NEFH: variants seen among roughly 807,000 people sequenced by gnomAD.
NEFH encodes the protein neurofilament heavy chain, also known as neurofilament heavy polypeptide.
In NEFH, 58 loss-of-function variants were observed where a neutral mutation model predicts 56.6. The observed-to-expected ratio is 1.03, with a 90% confidence interval of 0.83 to 1.28. NEFH has a LOEUF of 1.28. NEFH is among the 50% of genes most tolerant of loss of function. The pLI is 0.00. For synonymous variants in NEFH, 542 were observed against 545.8 expected, an observed-to-expected ratio of 0.99 and a Z score of 0.10; for missense variants, 1,221 against 1,307.6, an observed-to-expected ratio of 0.93 and a Z score of 1.02.
In NEFH at chr22:29,490,609, A is replaced by C; in HGVS notation, c.2969A>C (p.Lys990Thr). ...KTLSKEPSKP[K>T]AEKAEKSSST... ...CTCTCAAAAGAGCCTAGCAAGCCTAAGGCAGAAAAGGCTGAAAAATCCTCC... is the reference window on the plus strand; with the variant it reads ...CTCTCAAAAGAGCCTAGCAAGCCTACGGCAGAAAAGGCTGAAAAATCCTCC... The change falls in exon 4 of 4, where the codon AAG (lysine) becomes ACG (threonine). Residue 990 changes from lysine (K) to threonine (T), a missense_variant. Coordinates refer to ENST00000310624, the MANE Select transcript of NEFH (RefSeq NM_021076.4). The C allele has an allele frequency of 6.2e-7, 1 of 1,614,122 alleles. No homozygotes were observed. The highest frequency in any genetic ancestry group is 8.5e-7 in the Non-Finnish European group (1 of 1,180,010).
At position 29,480,844 on chromosome 22, in the gene NEFH, G is replaced by C. The variant is rs1215676350; in HGVS notation, c.582G>C (p.Glu194Asp). Residue 194 changes from glutamate to aspartate, a missense_variant, in exon 1 of 4, where the codon GAG (glutamate) becomes GAC (aspartate). By Grantham distance (45) the Glu-to-Asp change is conservative. Coordinates refer to ENST00000310624, the MANE Select transcript of NEFH (RefSeq NM_021076.4). ...RLDDEARQRE[E>D]AEAAARALAR... ...ACGACGAGGCCCGGCAGCGAGAGGA[G>C]GCCGAGGCGGCGGCCCGCGCGCTGG... The C allele has an allele frequency of 1.9e-5, 26 of 1,394,066 alleles. No homozygotes were observed. Among genetic ancestry groups the C allele is most frequent in the Middle Eastern group, 5.0e-4 (2 of 3,974 alleles). The allele number at this position is 1,394,066 out of a possible 1,614,324, so 86.4% of individuals were successfully genotyped here.
rs2063059500 is a variant in NEFH at position 29,488,977 on chromosome 22, T to C, written c.1337T>C (p.Val446Ala). 4.3e-6 allele frequency: 7 copies of C among 1,613,848 alleles called. No homozygotes were observed. Among genetic ancestry groups the C allele is most frequent in the African/African-American group, 2.7e-5 (2 of 74,896 alleles). The change falls in exon 4 of 4, where the codon GTG becomes GCG. Residue 446 changes from valine to alanine, a missense_variant. Coordinates refer to ENST00000310624, the MANE Select transcript of NEFH (RefSeq NM_021076.4). ...IKVKSEEKIK[V>A]VEKSEKETVI... ...GTGAAAAGCGAAGAGAAGATCAAAGTGGTGGAGAAGTCTGAGAAAGAAACT... is the reference window on the plus strand; with the variant it reads ...GTGAAAAGCGAAGAGAAGATCAAAGCGGTGGAGAAGTCTGAGAAAGAAACT...
At chr22:29,485,133 C>T (rs1434630088) in intron 2 of NEFH, among the ~76,000 whole-genome samples, 2 of 152,082 alleles carry the variant, frequency 1.3e-5, no homozygotes, top group East Asian at 1.9e-4. Flanking sequence ...ACCAGAGTCT[C>T]GCTATGTCTC....
rs769758730 is a variant in NEFH, at chr22:29,483,409, G to A, written c.918G>A (p.Val306=). The change falls in exon 2 of 4, where the codon GTG becomes GTA. Residue 306 remains valine, a synonymous_variant. Transcript: ENST00000310624. The part of the protein sequence containing the change: ...RLDRLSEAAK[V]NTDAMRSAQE... ...ACCGACTGTCGGAGGCAGCCAAGGT[G>A]AACACAGACGCTATGCGCTCAGCGC... The A allele has an allele frequency of 6.2e-7, 1 of 1,613,876 alleles. No individual in the cohort carries two copies. Among genetic ancestry groups the A allele is most frequent in the South Asian group, 1.1e-5 (1 of 91,082 alleles).
intron 2 of NEFH, among the ~76,000 whole-genome samples, chr22:29,484,746 C>T (rs961961959): frequency 1.3e-5 from 2 of 152,076 alleles, no homozygotes; most frequent in Non-Finnish European, 2.9e-5. Flanking sequence ...GTCATCAATG[C>T]CTACCAAACC....
chr22:29,483,997 A>G (rs1404313226), intron 2 of NEFH, among the ~76,000 whole-genome samples: 1 of 151,920 alleles, frequency 6.6e-6, no homozygotes, highest in Non-Finnish European at 1.5e-5. Context: ...CTACAGGTGC[A>G]TGCCACCACA....
Position 29,490,860 on chromosome 22 carries a change from G to T in NEFH, c.*157G>T. The stretch of plus-strand genomic sequence containing the variant: ...CTTCTTCAAACAGGAATTTCTGTTA[G>T]CAATATGTTAGCAAGAGAGGGCACT... On this transcript the variant is annotated 3_prime_UTR_variant, in exon 4 of 4. Coordinates refer to ENST00000310624, the MANE Select transcript of NEFH (RefSeq NM_021076.4). 6.9e-7 allele frequency: 1 copy of T among 1,455,918 alleles called. No individual in the cohort carries two copies. The allele number at this position is 1,455,918 out of a possible 1,614,324, so 90.2% of individuals were successfully genotyped here. A position where few individuals can be genotyped will look rare whatever the true frequency, so the allele number is the denominator to read the frequency against.
Position 29,480,930 on chromosome 22 carries a change from T to C in NEFH, c.668T>C (p.Leu223Pro). 2.6e-6 allele frequency: 4 copies of C among 1,527,858 alleles called. No homozygotes were observed. The South Asian group carries it at 4.8e-5, about 18-fold the overall frequency. 94.6% of individuals were successfully genotyped at this position (1,527,858 alleles called of 1,614,324 possible). A position where few individuals can be genotyped will look rare whatever the true frequency, so the allele number is the denominator to read the frequency against. Residue 223 changes from leucine to proline, a missense_variant, in exon 1 of 4, where the codon CTG becomes CCG. Physicochemically the swap from Leu to Pro is moderately conservative, Grantham distance 98. Coordinates refer to ENST00000310624, the MANE Select transcript of NEFH (RefSeq NM_021076.4). ...RVDLQKKAQA[L>P]QEECGYLRRH... ...GACCTGCAGAAGAAGGCGCAGGCGC[T>C]GCAGGAGGAGTGCGGCTACCTGCGG...
At chr22:29,481,253 G>C in intron 1 of NEFH, 108 bp downstream of exon 1, 1 of 1,113,832 alleles carries the variant, frequency 9.0e-7, no homozygotes, top group Admixed American at 2.2e-5. Context: ...GGAGTGGCGC[G>C]CTGCTCACCT....
rs2063070134 is a variant in NEFH at position 29,489,932 on chromosome 22, A to G, written c.2292A>G (p.Pro764=). The part of the protein sequence containing the change: ...EKAKTLDVKS[P]EAKTPAKEEA... ...CCAAGACTCTTGATGTGAAGTCTCC[A>G]GAAGCCAAGACTCCAGCGAAGGAGG... Residue 764 remains proline (P), a synonymous_variant, in exon 4 of 4, where the codon CCA becomes CCG. Transcript: ENST00000310624. 6.2e-7 allele frequency: 1 copy of G among 1,613,508 alleles called. No individual in the cohort carries two copies. The highest frequency in any genetic ancestry group is 8.5e-7 in the Non-Finnish European group (1 of 1,179,892).
At chr22:29,485,954 CAA>C in intron 3 of NEFH, 107 bp downstream of exon 3, 2 of 1,233,096 alleles carry the variant, frequency 1.6e-6, no homozygotes, top group Middle Eastern at 2.0e-4. Context: ...GTCTTAGGGA[CAA>C]AATTCTTTTT....
In NEFH at chr22:29,481,107, C is replaced by T. The variant is rs1602961678; in HGVS notation, c.845C>T (p.Ala282Val). The stretch of plus-strand genomic sequence containing the variant: ...ATTCGCGCGCAGCTTGAAGGCCACG[C>T]GGTGCAGAGCACGCTGCAGTCCGAG... The part of the protein sequence containing the change: ...REIRAQLEGH[A>V]VQSTLQSEEW... Residue 282 changes from alanine (A) to valine (V), a missense_variant, in exon 1 of 4, where the codon GCG becomes GTG. This residue lies in a region of NEFH where 640 missense variants were observed against 555.5 expected (regional missense o/e 1.15). Coordinates refer to ENST00000310624, the MANE Select transcript of NEFH (RefSeq NM_021076.4). 3.3e-6 allele frequency: 5 copies of T among 1,531,262 alleles called. No homozygotes were observed. Among genetic ancestry groups the T allele is most frequent in the East Asian group, 2.5e-5 (1 of 40,696 alleles). The allele number at this position is 1,531,262 out of a possible 1,614,324, so 94.9% of individuals were successfully genotyped here.
Position 29,480,269 on chromosome 22 carries a change from A to C in NEFH, c.7A>C (p.Ser3Arg), listed in dbSNP as rs1175241540. MMSFGGADALLGA... is the reference protein window; with the variant it reads MMRFGGADALLGA... ...TCGCGCACCTGCTCAGGCCATGATG[A>C]GCTTCGGCGGCGCGGACGCGCTGCT... Residue 3 changes from serine to arginine, a missense_variant, in exon 1 of 4, where the codon AGC (serine) becomes CGC (arginine). Transcript: ENST00000310624. The C allele has an allele frequency of 3.3e-6, 5 of 1,510,654 alleles. No homozygotes were observed. In the Admixed American group the frequency reaches 1.1e-4, roughly 32 times the overall value. The allele number at this position is 1,510,654 out of a possible 1,614,324, so 93.6% of individuals were successfully genotyped here. A position where few individuals can be genotyped will look rare whatever the true frequency, so the allele number is the denominator to read the frequency against.
chr22:29,484,994 C>T (rs1257774716), intron 2 of NEFH, among the ~76,000 whole-genome samples: 1 of 152,116 alleles, frequency 6.6e-6, no homozygotes, highest in Non-Finnish European at 1.5e-5. Flanking sequence ...ATCACCATGC[C>T]CAGCTAATTA....
In NEFH at chr22:29,480,856, G is replaced by C; in HGVS notation, c.594G>C (p.Ala198=). The change falls in exon 1 of 4, where the codon GCG becomes GCC. Residue 198 remains alanine (A), a synonymous_variant. Coordinates refer to ENST00000310624, the MANE Select transcript of NEFH (RefSeq NM_021076.4). The part of the protein sequence containing the change: ...EARQREEAEA[A]ARALARFAQE... ...GGCAGCGAGAGGAGGCCGAGGCGGC[G>C]GCCCGCGCGCTGGCGCGCTTCGCGC... 1 of 1,395,468 alleles carries C rather than the reference G, an allele frequency of 7.2e-7. No homozygotes were observed. The highest frequency in any genetic ancestry group is 9.2e-7 in the Non-Finnish European group (1 of 1,087,354). The allele number at this position is 1,395,468 out of a possible 1,614,324, so 86.4% of individuals were successfully genotyped here. A position where few individuals can be genotyped will look rare whatever the true frequency, so the allele number is the denominator to read the frequency against.
rs375099907 is a variant in NEFH at position 29,489,485 on chromosome 22, G to A, written c.1845G>A (p.Pro615=). 5.8e-5 allele frequency: 93 copies of A among 1,593,480 alleles called. No individual in the cohort carries two copies. The highest frequency in any genetic ancestry group is 1.2e-4 in the South Asian group (11 of 89,928). The change falls in exon 4 of 4, where the codon CCG becomes CCA. Residue 615 remains proline (P), a synonymous_variant. Transcript: ENST00000310624. ...KSPVKEEAKS[P]AEAKSPVKEE... is the part of the protein sequence containing the mutation. ...CAGTGAAGGAAGAAGCAAAGTCACC[G>A]GCTGAGGCCAAGTCCCCAGTGAAGG...
At chr22:29,483,857 T>A (rs1328826533) in intron 2 of NEFH, among the ~76,000 whole-genome samples, 1 of 150,754 alleles carries the variant, frequency 6.6e-6, no homozygotes, top group East Asian at 1.9e-4. Flanking sequence ...ATTTATTTAT[T>A]TATTTATTTT....
In NEFH at chr22:29,480,634, C is replaced by T. The variant is rs1423632114; in HGVS notation, c.372C>T (p.Ser124=). 1.0e-5 allele frequency: 16 copies of T among 1,563,506 alleles called. No homozygotes were observed. The highest frequency in any genetic ancestry group is 4.0e-5 in the African/African-American group (3 of 74,298). ...KVRQLEAHNR[S]LEGEAAALRQ... is the part of the protein sequence containing the mutation. ...GGCAGCTGGAGGCGCACAACCGCAG[C>T]CTGGAGGGCGAGGCTGCGGCGCTGC... is the stretch of plus-strand genomic sequence containing the variant. Residue 124 remains serine (S), a synonymous_variant, in exon 1 of 4, where the codon AGC becomes AGT. Transcript: ENST00000310624.
chr22:29,481,176 G>GCCCCTGCTGACCCCGCC, intron 1 of NEFH, 31 bp downstream of exon 1: 1 of 1,524,338 alleles, frequency 6.6e-7, no homozygotes. Flanking sequence ...GGGGAGGGGC[G>GCCCCTGCTGACCCCGCC]CCCCTGCTGA....
Sources: allele counts gnomAD v4.1 joint callset (sites outside exome capture counted in the v4.1 genomes callset), GRCh38; gene constraint gnomAD v4.1.1; regional missense constraint gnomAD v4.1.1; transcripts MANE v1.5; gene names NCBI Gene and HGNC (gene_info 2026-07-23, HGNC 2026-07-21).